The following EMILIN2 variants were observed in gnomAD, a reference collection of about 807,000 sequenced individuals.
EMILIN2 encodes elastin microfibril interfacer 2.
A neutral mutation model predicts 87.1 loss-of-function variants in EMILIN2; 71 were observed. The observed-to-expected ratio is 0.82, with a 90% CI of 0.67 to 0.99. EMILIN2 has a LOEUF of 0.99. EMILIN2 is among the 50% of genes least tolerant of loss of function. The pLI is 0.00. For missense variants in EMILIN2, 1,407 were observed against 1,371.8 expected (o/e 1.03, Z -0.40); for synonymous variants, 581 against 563.4 (o/e 1.03, Z -0.44).
At chr18:2,857,926 C>A (rs1321733627) in intron 2 of EMILIN2, among the ~76,000 whole-genome samples, 1 of 152,172 alleles carries the variant, frequency 6.6e-6, no homozygotes, top group African/African-American at 2.4e-5. Flanking sequence ...GTTTCATCAC[C>A]TCCTGGCCAC....
At position 2,909,692 on chromosome 18, in the gene EMILIN2, A is replaced by AGC; in HGVS notation, c.2698_2699dup (p.Pro901LeufsTer32). On this transcript the variant is annotated frameshift_variant and splice_region_variant, in exon 7 of 8. Transcript: ENST00000254528. LOFTEE classifies it high-confidence loss of function. The stretch of plus-strand genomic sequence containing the variant: ...CATTCCATCCTTTCTCTGCTCCAGG[A>AGC]GCTCCGGTGCCTTCTCTGGTGTCTT... 1.2e-6 allele frequency: 2 copies of AGC among 1,613,746 alleles called. No individual in the cohort carries two copies. The highest frequency in any genetic ancestry group is 1.7e-6 in the Non-Finnish European group (2 of 1,179,776).
rs2076839700 is a variant in EMILIN2, at chr18:2,891,921, A to G, written c.1794A>G (p.Glu598=). ...TGCACAGGAAGTTTCAAGAAACCGAACAAACCATCCAGAAACTTCAACAGG... is the reference window on the plus strand; with the variant it reads ...TGCACAGGAAGTTTCAAGAAACCGAGCAAACCATCCAGAAACTTCAACAGG... ...DTMHRKFQET[E]QTIQKLQQDF... The change falls in exon 4 of 8, where the codon GAA becomes GAG. Residue 598 remains glutamate, a synonymous_variant. Transcript: ENST00000254528. This position sits in a 1 kb window ranked among gnomAD's most constrained non-coding sequence, Gnocchi z 4.6. 6.2e-7 allele frequency: 1 copy of G among 1,614,116 alleles called. No homozygotes were observed. The highest frequency in any genetic ancestry group is 2.2e-5 in the East Asian group (1 of 44,894).
intron 3 of EMILIN2, among the ~76,000 whole-genome samples, chr18:2,885,936 C>G (rs942884436): frequency 6.6e-6 from 1 of 152,194 alleles, no homozygotes; most frequent in African/African-American, 2.4e-5. Context: ...ACTCGTAGTT[C>G]TTCCCAACAT....
At chr18:2,909,950 C>T (rs533983314) in intron 7 of EMILIN2, 131 bp downstream of exon 7, 12 of 1,268,370 alleles carry the variant, frequency 9.5e-6, no homozygotes, top group African/African-American at 1.5e-5. Context: ...AGCAGATGCC[C>T]GAGTGGGCCT....
chr18:2,860,186 C>G (rs1311748198), intron 2 of EMILIN2, among the ~76,000 whole-genome samples: 2 of 152,108 alleles, frequency 1.3e-5, no homozygotes, highest in East Asian at 3.8e-4. Context: ...AATACTGATT[C>G]TACCCATCCA....
chr18:2,870,819 T>G (rs2143992787), intron 2 of EMILIN2, among the ~76,000 whole-genome samples: 1 of 152,332 alleles, frequency 6.6e-6, no homozygotes, highest in African/African-American at 2.4e-5. Flanking sequence ...CCTGAGGGCT[T>G]CGAGGGAAGG....
intron 7 of EMILIN2, among the ~76,000 whole-genome samples, chr18:2,910,807 A>T (rs1400551491): frequency 6.6e-6 from 1 of 152,168 alleles, no homozygotes; most frequent in East Asian, 1.9e-4. Context: ...AGTGGCTCTT[A>T]ACTGTTATGT....
Position 2,891,247 on chromosome 18 carries a change from A to G in EMILIN2, c.1120A>G (p.Thr374Ala), listed in dbSNP as rs752146402. 7.4e-6 allele frequency: 12 copies of G among 1,614,224 alleles called. No individual in the cohort carries two copies. Among genetic ancestry groups the G allele is most frequent in the Middle Eastern group, 3.3e-4 (2 of 6,062 alleles). Residue 374 changes from threonine to alanine, a missense_variant, in exon 4 of 8, where the codon ACA (threonine) becomes GCA (alanine). By Grantham distance (58) the Thr-to-Ala change is moderately conservative. Transcript: ENST00000254528. The surrounding 1 kb of genome is among the most constrained non-coding windows in gnomAD (Gnocchi z 4.6). ...GATAGAGCTCATAGGGGAGAAGGAA[A>G]CAAGCCTGAGAAAAGAAATAAATAA... ...GVIELIGEKE[T>A]SLRKEINNLR...
intron 2 of EMILIN2, among the ~76,000 whole-genome samples, chr18:2,874,010 T>C (rs1242224328): frequency 2.6e-5 from 4 of 152,182 alleles, no homozygotes; most frequent in Non-Finnish European, 5.9e-5. Context: ...GTGAGGACTT[T>C]ACTGATGACT....
At position 2,909,741 on chromosome 18, in the gene EMILIN2, C is replaced by G. The variant is rs1289297796; in HGVS notation, c.2746C>G (p.Pro916Ala). The change falls in exon 7 of 8, where the codon CCT becomes GCT. Residue 916 changes from proline (P) to alanine (A), a missense_variant. Transcript: ENST00000254528. The stretch of plus-strand genomic sequence containing the variant: ...TTTTTCTGCGGGGCTCACCCAGAAG[C>G]CTTTCCCCAGTGATGGGGGCGTTGT... ...VSFSAGLTQK[P>A]FPSDGGVVLF... The G allele has an allele frequency of 1.2e-6, 2 of 1,613,638 alleles. No individual in the cohort carries two copies. Among genetic ancestry groups the G allele is most frequent in the Non-Finnish European group, 8.5e-7 (1 of 1,179,830 alleles).
chr18:2,855,883 G>T (rs576942854), intron 2 of EMILIN2, among the ~76,000 whole-genome samples: 1 of 152,180 alleles, frequency 6.6e-6, no homozygotes, highest in Non-Finnish European at 1.5e-5. Flanking sequence ...CAGCAGGCAC[G>T]TCTGGTGAAC....
intron 2 of EMILIN2, among the ~76,000 whole-genome samples, chr18:2,862,474 G>A (rs1032062187): frequency 1.3e-5 from 2 of 152,176 alleles, no homozygotes; most frequent in African/African-American, 4.8e-5. Context: ...GGCCTTTTCT[G>A]CATCTATTGA....
intron 7 of EMILIN2, among the ~76,000 whole-genome samples, chr18:2,911,776 A>G (rs368514927): frequency 6.6e-6 from 1 of 152,196 alleles, no homozygotes; most frequent in Non-Finnish European, 1.5e-5. Flanking sequence ...TCCCAGAGCT[A>G]TCTCTTGTCT....
chr18:2,861,842 A>G (rs2143970281), intron 2 of EMILIN2, among the ~76,000 whole-genome samples: 1 of 152,180 alleles, frequency 6.6e-6, no homozygotes, highest in South Asian at 2.1e-4. Flanking sequence ...CATTTTCATG[A>G]TATTGATTCT....
rs2076854859 is a variant in EMILIN2 at position 2,894,567 on chromosome 18, C to T, written c.2359+2081C>T. 6.6e-6 allele frequency among the ~76,000 whole-genome samples: 1 copy of T among 152,186 alleles called. No homozygotes were observed. On this transcript the variant is annotated intron_variant, in intron 4 of 7. Transcript: ENST00000254528. This position sits in a 1 kb window ranked among gnomAD's most constrained non-coding sequence, Gnocchi z 5.0. ...TCAGATATTTCCAGTTGATTTGGAACTCCCTGGTGGCGTGGGAAGCTGTGT... is the reference window on the plus strand; with the variant it reads ...TCAGATATTTCCAGTTGATTTGGAATTCCCTGGTGGCGTGGGAAGCTGTGT...
chr18:2,858,567 A>ATGTGTGTGTGTGTG (rs1456011795), intron 2 of EMILIN2, among the ~76,000 whole-genome samples: 1 of 58,778 alleles, frequency 1.7e-5, no homozygotes, highest in African/African-American at 1.2e-4. Flanking sequence ...ATATATATAT[A>ATGTGTGTGTGTGTG]TATGTGTGTG....
At chr18:2,856,785 C>T (rs2076629929) in intron 2 of EMILIN2, among the ~76,000 whole-genome samples, 1 of 152,170 alleles carries the variant, frequency 6.6e-6, no homozygotes, top group Admixed American at 6.5e-5. Context: ...TAACAACAAA[C>T]CACTTGATAA....
At chr18:2,896,280 A>G (rs2144048664) in intron 4 of EMILIN2, among the ~76,000 whole-genome samples, 1 of 152,110 alleles carries the variant, frequency 6.6e-6, no homozygotes, top group East Asian at 1.9e-4. Context: ...GGTTCAAGCG[A>G]TTCTCCTGCC....
rs933773931 is a variant in EMILIN2, at chr18:2,913,717, C to T, written c.*313C>T. On this transcript the variant is annotated 3_prime_UTR_variant, in exon 8 of 8. Coordinates refer to ENST00000254528, the MANE Select transcript of EMILIN2 (RefSeq NM_032048.3). ...GGGCCTGAGCTTGCCACAGAGGCTCCGTCTGACTGTGGGCTGGGAGGAGGG... is the reference window on the plus strand; with the variant it reads ...GGGCCTGAGCTTGCCACAGAGGCTCTGTCTGACTGTGGGCTGGGAGGAGGG... The T allele has an allele frequency of 3.5e-6, 1 of 286,378 alleles. No homozygotes were observed. Among genetic ancestry groups the T allele is most frequent in the Admixed American group, 4.8e-5 (1 of 20,840 alleles). The allele number at this position is 286,378 out of a possible 1,614,324, so 17.7% of individuals were successfully genotyped here. A position where few individuals can be genotyped will look rare whatever the true frequency, so the allele number is the denominator to read the frequency against.
Sources: allele counts gnomAD v4.1 joint callset (sites outside exome capture counted in the v4.1 genomes callset), GRCh38; gene constraint gnomAD v4.1.1; non-coding constraint Gnocchi (gnomAD v3.1); transcripts MANE v1.5; gene names NCBI Gene and HGNC (gene_info 2026-07-23, HGNC 2026-07-21).